ATG7: variants seen among roughly 807,000 people sequenced by gnomAD.
The protein encoded by ATG7 is autophagy related 7, also known as ubiquitin-like modifier-activating enzyme ATG7.
In ATG7, 70 loss-of-function variants were observed where a neutral mutation model predicts 82.4. The observed-to-expected ratio is 0.85, with a 90% CI of 0.70 to 1.04. ATG7 has a LOEUF of 1.04. Among genes scored for constraint, ATG7 ranks in the 50% least tolerant of loss-of-function variants. The probability of loss-of-function intolerance (pLI) is 0.00; values close to 1 mark genes in which losing one functional copy is unlikely to be tolerated. For missense variants in ATG7, 792 were observed against 864.3 expected (o/e 0.92, Z 1.05); for synonymous variants, 287 against 313.0 (o/e 0.92, Z 0.88).
chr3:11,287,521 C>T (rs1944287131), intron 3 of ATG7, among the ~76,000 whole-genome samples: 1 of 152,184 alleles, frequency 6.6e-6, no homozygotes, highest in Admixed American at 6.5e-5. Flanking sequence ...AGTCGGAAGG[C>T]AGCAGCGGCG....
Position 11,298,858 on chromosome 3 carries a change from A to G in ATG7, c.160+3A>G. 1 of 1,613,968 alleles carries G rather than the reference A, an allele frequency of 6.2e-7. No homozygotes were observed. The highest frequency in any genetic ancestry group is 8.5e-7 in the Non-Finnish European group (1 of 1,179,850). On this transcript the variant is annotated splice_donor_region_variant and intron_variant, in intron 4 of 20. Transcript: ENST00000693202. ...CATTAAGGGTTATTACTACAATGGT[A>G]GGTGATTGTAAATTTCATTTTCCAT... is the stretch of plus-strand genomic sequence containing the variant.
At chr3:11,450,271 A>G (rs191284853) in intron 20 of ATG7, among the ~76,000 whole-genome samples, 170 of 152,262 alleles carry the variant, frequency 1.1e-3, no homozygotes, top group African/African-American at 3.7e-3. Flanking sequence ...CTTAACTACT[A>G]CTTTGTAGTG....
At chr3:11,545,832 G>C (rs2125043204) in intron 20 of ATG7, among the ~76,000 whole-genome samples, 1 of 152,322 alleles carries the variant, frequency 6.6e-6, no homozygotes, top group East Asian at 1.9e-4. Context: ...TAGCAAACTA[G>C]CAGCCTCCTG....
chr3:11,445,580 C>T (rs2084464950), intron 20 of ATG7, among the ~76,000 whole-genome samples: 1 of 152,136 alleles, frequency 6.6e-6, no homozygotes, highest in African/African-American at 2.4e-5. Context: ...TAATGGGCAC[C>T]AGGCCTAATA....
intron 3 of ATG7, among the ~76,000 whole-genome samples, chr3:11,291,596 T>C (rs145737109): frequency 1.2e-4 from 18 of 152,296 alleles, no homozygotes; most frequent in African/African-American, 3.6e-4. Flanking sequence ...GTAAACTGTT[T>C]AGTGTAGTGC....
chr3:11,528,384 A>G (rs1473027949), intron 20 of ATG7, among the ~76,000 whole-genome samples: 2 of 152,266 alleles, frequency 1.3e-5, no homozygotes. Context: ...ACTTACAGTC[A>G]CCAATATCCG....
chr3:11,459,973 C>T (rs1175898435), intron 20 of ATG7, among the ~76,000 whole-genome samples: 3 of 152,190 alleles, frequency 2.0e-5, no homozygotes, highest in African/African-American at 7.2e-5. Context: ...TCCACTGCAC[C>T]ATACTGCCTC....
chr3:11,367,014 T>TGTGTGTGTGTGTGTG (rs58790022), intron 18 of ATG7, among the ~76,000 whole-genome samples: 4 of 150,758 alleles, frequency 2.7e-5, no homozygotes, highest in African/African-American at 9.8e-5. Flanking sequence ...TGTGTGTGTG[T>TGTGTGTGTGTGTGTG]TTACTTGCTT....
intron 19 of ATG7, among the ~76,000 whole-genome samples, chr3:11,418,941 G>T (rs115870267): frequency 1.3e-5 from 2 of 151,966 alleles, no homozygotes; most frequent in South Asian, 2.1e-4. Flanking sequence ...ACTCGCTATC[G>T]CAAGAACAGC....
At chr3:11,345,221 C>T (rs1038816793) in intron 13 of ATG7, among the ~76,000 whole-genome samples, 6 of 151,858 alleles carry the variant, frequency 4.0e-5, no homozygotes, top group East Asian at 1.9e-4. Flanking sequence ...CTGGAGAACA[C>T]GGTTGAAACC....
intron 20 of ATG7, among the ~76,000 whole-genome samples, chr3:11,489,395 G>T (rs986816682): frequency 6.6e-6 from 1 of 151,602 alleles, no homozygotes; most frequent in African/African-American, 2.4e-5. Context: ...TCTTGCTAGT[G>T]GTCTATCAAT....
At chr3:11,490,875 C>G (rs2090275907) in intron 20 of ATG7, among the ~76,000 whole-genome samples, 1 of 152,140 alleles carries the variant, frequency 6.6e-6, no homozygotes, top group Non-Finnish European at 1.5e-5. Context: ...TTGTGGGTAA[C>G]CTGACCTTTC....
At chr3:11,521,336 A>G (rs2092436099) in intron 20 of ATG7, among the ~76,000 whole-genome samples, 1 of 152,170 alleles carries the variant, frequency 6.6e-6, no homozygotes, top group Non-Finnish European at 1.5e-5. Flanking sequence ...AAGGGTGGCT[A>G]AGAGTCACAG....
intron 20 of ATG7, among the ~76,000 whole-genome samples, chr3:11,442,568 A>G (rs1035777243): frequency 2.0e-4 from 31 of 152,012 alleles, no homozygotes; most frequent in South Asian, 6.3e-4. Context: ...TGTCAAAGTG[A>G]TTAGCAATAG....
intron 20 of ATG7, among the ~76,000 whole-genome samples, chr3:11,480,026 C>T (rs1359961229): frequency 2.6e-5 from 4 of 151,802 alleles, no homozygotes; most frequent in African/African-American, 9.7e-5. Context: ...CTCTGGGGTT[C>T]ACGACATTCT....
the ATG7 span, chr3:11,564,965 G>A: frequency 6.5e-4 from 998 of 1,546,636 alleles, 9 homozygotes; most frequent in African/African-American, 0.012. Context: ...GCTCGATGGG[G>A]CTGCGGCTCC....
At chr3:11,457,761 A>C (rs1296324948) in intron 20 of ATG7, among the ~76,000 whole-genome samples, 2 of 152,146 alleles carry the variant, frequency 1.3e-5, no homozygotes, top group Non-Finnish European at 2.9e-5. Flanking sequence ...CCAGTTAATA[A>C]ATAAATTAAT....
chr3:11,323,054 G>A (rs948403190), intron 9 of ATG7, among the ~76,000 whole-genome samples: 4 of 152,132 alleles, frequency 2.6e-5, no homozygotes, highest in Non-Finnish European at 5.9e-5. Context: ...AACTGTGATC[G>A]TGCCACTGCA....
chr3:11,413,252 G>A (rs750465651), intron 19 of ATG7, among the ~76,000 whole-genome samples: 5 of 152,028 alleles, frequency 3.3e-5, no homozygotes, highest in Non-Finnish European at 5.9e-5. Flanking sequence ...CCTGATCTTA[G>A]AGAGAAAGCG....
Sources: gnomAD v4.1 joint callset for allele counts (sites outside exome capture counted in the v4.1 genomes callset) on GRCh38, gnomAD v4.1.1 for gene constraint, MANE v1.5 for transcripts, NCBI Gene and HGNC (gene_info 2026-07-23, HGNC 2026-07-21) for gene names.